SYT5: variants seen among roughly 807,000 people sequenced by gnomAD.
SYT5 encodes the protein synaptotagmin-5.
In SYT5, 29 loss-of-function variants were observed where a neutral mutation model predicts 36.0. The ratio of observed to expected loss-of-function variants is 0.81; its 90% confidence interval spans 0.60 to 1.10. The LOEUF (loss-of-function observed/expected upper bound fraction) is 1.10. Among genes scored for constraint, SYT5 ranks in the 50% least tolerant of loss-of-function variants. SYT5 has a pLI of 0.00. For synonymous variants in SYT5, 231 were observed against 227.6 expected, an observed-to-expected ratio of 1.02 and a Z score of -0.14; for missense variants, 512 against 516.0, an observed-to-expected ratio of 0.99 and a Z score of 0.08.
intron 2 of SYT5, among the ~76,000 whole-genome samples, 179 bp downstream of exon 2, chr19:55,178,784 T>G (rs2086107999): frequency 1.9e-5 from 2 of 103,792 alleles, no homozygotes; most frequent in East Asian, 3.4e-4. Context: ...TTTTTTTTTT[T>G]GCAAATCTGT....
Position 55,175,590 on chromosome 19 carries a change from AG to A in SYT5, c.540+118del, listed in dbSNP as rs923414901. 2.2e-6 allele frequency: 3 copies of A among 1,368,844 alleles called. No homozygotes were observed. Among genetic ancestry groups the A allele is most frequent in the Non-Finnish European group, 3.0e-6 (3 of 989,894 alleles). The allele number at this position is 1,368,844 out of a possible 1,614,324, so 84.8% of individuals were successfully genotyped here. On this transcript the variant is annotated intron_variant, in intron 5 of 8. Transcript: ENST00000354308. The surrounding 1 kb of genome is among the most constrained non-coding windows in gnomAD (Gnocchi z 4.5). The stretch of plus-strand genomic sequence containing the variant: ...CCAGGGTCCAGTGGAATAGCCCCAG[AG>A]CTGGTAGCTGCCACCTGAGCTGTGG...
rs747366969 is a variant in SYT5 at position 55,178,282 on chromosome 19, G to A, written c.166C>T (p.Arg56Trp). The A allele has an allele frequency of 6.2e-6, 10 of 1,611,350 alleles. No individual in the cohort carries two copies. Among genetic ancestry groups the A allele is most frequent in the African/African-American group, 1.3e-5 (1 of 74,904 alleles). ...TGGCTCTTCTTGCCTGTCCGCCTCC[G>A]ACAGCTCTTCCGGTAGAGACAGAAA... Reference protein sequence around the residue: ...CCFCLYRKSCRRRTGKKSQAQ... With the variant: ...CCFCLYRKSCWRRTGKKSQAQ... Residue 56 changes from arginine to tryptophan, a missense_variant, in exon 3 of 9, where the codon CGG (arginine) becomes TGG (tryptophan). Coordinates refer to ENST00000354308, the MANE Select transcript of SYT5 (RefSeq NM_003180.3).
Position 55,175,182 on chromosome 19 carries a change from G to T in SYT5, c.698C>A (p.Pro233Gln). ...VQAWRELQAA[P>Q]REEQEKLGDI... ...ACCGCGCATGCTCACCTCCTCCCGC[G>T]GAGCCGCCTGCAGCTCCCGCCAGGC... Residue 233 changes from proline (P) to glutamine (Q), a missense_variant, in exon 6 of 9, where the codon CCG becomes CAG. Coordinates refer to ENST00000354308, the MANE Select transcript of SYT5 (RefSeq NM_003180.3). The surrounding 1 kb of genome is among the most constrained non-coding windows in gnomAD (Gnocchi z 4.5). The T allele has an allele frequency of 1.9e-6, 3 of 1,601,224 alleles. No homozygotes were observed. Among genetic ancestry groups the T allele is most frequent in the Non-Finnish European group, 2.6e-6 (3 of 1,175,348 alleles).
chr19:55,172,422 A>AAAAAAC lies in SYT5; in HGVS notation c.*1056_*1061dup, dbSNP rs551538555. ...GGCGACAAAGTGAGACTTCATCTCA[A>AAAAAAC]AAAAACAAAAACAAAAACAAAAAAA... On this transcript the variant is annotated 3_prime_UTR_variant, in exon 9 of 9. Coordinates refer to ENST00000354308, the MANE Select transcript of SYT5 (RefSeq NM_003180.3). The AAAAAAC allele has an allele frequency of 1.2e-4, 18 of 151,772 alleles. No individual in the cohort carries two copies. Among genetic ancestry groups the AAAAAAC allele is most frequent in the Non-Finnish European group, 1.5e-5 (1 of 68,030 alleles). 9.4% of individuals were successfully genotyped at this position (151,772 alleles called of 1,614,324 possible).
Position 55,171,554 on chromosome 19 carries a change from C to T in SYT5, c.*1930G>A, listed in dbSNP as rs922267908. On this transcript the variant is annotated 3_prime_UTR_variant, in exon 9 of 9. Coordinates refer to ENST00000354308, the MANE Select transcript of SYT5 (RefSeq NM_003180.3). ...CTTAATCTGCTGCTCAGAGAGTTCT[C>T]TGGCCAAATCTTATAGGTCTTTGTT... The T allele has an allele frequency of 2.0e-5, 3 of 152,090 alleles. No homozygotes were observed. The highest frequency in any genetic ancestry group is 7.2e-5 in the African/African-American group (3 of 41,420). The allele number at this position is 152,090 out of a possible 1,614,324, so 9.4% of individuals were successfully genotyped here.
intron 3 of SYT5, 59 bp from the exon 4 acceptor site, chr19:55,176,183 G>T: frequency 6.2e-7 from 1 of 1,609,320 alleles, no homozygotes; most frequent in Non-Finnish European, 8.5e-7. Context: ...TATCCATCAG[G>T]CTCAGAAGCC....
rs538710789 is a variant in SYT5, at chr19:55,171,777, C to T, written c.*1707G>A. 34 of 152,156 alleles carry T rather than the reference C, an allele frequency of 2.2e-4. No individual in the cohort carries two copies. The highest frequency in any genetic ancestry group is 8.2e-4 in the African/African-American group (34 of 41,488). The allele number at this position is 152,156 out of a possible 1,614,324, so 9.4% of individuals were successfully genotyped here. On this transcript the variant is annotated 3_prime_UTR_variant, in exon 9 of 9. Coordinates refer to ENST00000354308, the MANE Select transcript of SYT5 (RefSeq NM_003180.3). ...CAGCCTGTGCAACATAGCAAGACCC[C>T]ATCTCTAAAAAAGAAAAGAAAAGAA...
rs183187918 is a variant in SYT5 at position 55,175,510 on chromosome 19, G to A, written c.541-171C>T. Reference sequence around the variant, plus strand: ...ATGCGGAAAAAAATCACGGGTCAGTGGAACCCAAATCGTACCGCCCAAGGA... The same window carrying A: ...ATGCGGAAAAAAATCACGGGTCAGTAGAACCCAAATCGTACCGCCCAAGGA... On this transcript the variant is annotated intron_variant, in intron 5 of 8. Coordinates refer to ENST00000354308, the MANE Select transcript of SYT5 (RefSeq NM_003180.3). The surrounding 1 kb of genome is among the most constrained non-coding windows in gnomAD (Gnocchi z 4.5). 6.6e-6 allele frequency among the ~76,000 whole-genome samples: 1 copy of A among 152,234 alleles called. No individual in the cohort carries two copies. The highest frequency in any genetic ancestry group is 6.5e-5 in the Admixed American group (1 of 15,284).
In SYT5 at chr19:55,175,381, G is replaced by A; in HGVS notation, c.541-42C>T. The A allele has an allele frequency of 2.0e-6, 3 of 1,493,874 alleles. No homozygotes were observed. The highest frequency in any genetic ancestry group is 2.7e-6 in the Non-Finnish European group (3 of 1,127,570). The allele number at this position is 1,493,874 out of a possible 1,614,324, so 92.5% of individuals were successfully genotyped here. ...ATCCGCAGTAGAGAGCAGGAAGTCA[G>A]AGATAGGGTGAGGCACAGCACAACC... On this transcript the variant is annotated intron_variant, in intron 5 of 8. Transcript: ENST00000354308. This position sits in a 1 kb window ranked among gnomAD's most constrained non-coding sequence, Gnocchi z 4.5.
In SYT5 at chr19:55,175,844, C is replaced by CA. The variant is rs1297631841; in HGVS notation, c.404dup (p.Leu135PhefsTer71). 9.3e-6 allele frequency: 15 copies of CA among 1,614,092 alleles called. No homozygotes were observed. The highest frequency in any genetic ancestry group is 1.3e-5 in the Non-Finnish European group (15 of 1,180,046). On this transcript the variant is annotated frameshift_variant, in exon 5 of 9. Coordinates refer to ENST00000354308, the MANE Select transcript of SYT5 (RefSeq NM_003180.3). LOFTEE classifies it high-confidence loss of function. The surrounding 1 kb of genome is among the most constrained non-coding windows in gnomAD (Gnocchi z 4.5). Reference sequence around the variant, plus strand: ...AGGAGCCACCAAGATCCAAGGCTGCCAATCCCATTGCTTGCAGAATGCCCA... The same window carrying CA: ...AGGAGCCACCAAGATCCAAGGCTGCCAAATCCCATTGCTTGCAGAATGCCCA...
Position 55,175,568 on chromosome 19 carries a change from G to GA in SYT5, c.540+140_540+141insT. The GA allele has an allele frequency of 8.2e-7, 1 of 1,223,460 alleles. No homozygotes were observed. Among genetic ancestry groups the GA allele is most frequent in the Non-Finnish European group, 1.1e-6 (1 of 872,826 alleles). The allele number at this position is 1,223,460 out of a possible 1,614,324, so 75.8% of individuals were successfully genotyped here. On this transcript the variant is annotated intron_variant, in intron 5 of 8. Transcript: ENST00000354308. This position sits in a 1 kb window ranked among gnomAD's most constrained non-coding sequence, Gnocchi z 4.5. ...ACAGCCCAGGAGTCAGTAGTGCCCA[G>GA]GGTCCAGTGGAATAGCCCCAGAGCT...
rs2086018745 is a variant in SYT5, at chr19:55,172,740, G to A, written c.*744C>T. On this transcript the variant is annotated 3_prime_UTR_variant, in exon 9 of 9. Transcript: ENST00000354308. ...TATGGAATGGAAGGAAGAAAAAAAAGAGAGGGAGGGAGGGATGCAGAAATG... is the reference window on the plus strand; with the variant it reads ...TATGGAATGGAAGGAAGAAAAAAAAAAGAGGGAGGGAGGGATGCAGAAATG... 1 of 152,212 alleles carries A rather than the reference G, an allele frequency of 6.6e-6. No individual in the cohort carries two copies. Among genetic ancestry groups the A allele is most frequent in the Admixed American group, 6.5e-5 (1 of 15,274 alleles). 9.4% of individuals were successfully genotyped at this position (152,212 alleles called of 1,614,324 possible).
Position 55,179,279 on chromosome 19 carries a change from A to G in SYT5, c.-45-193T>C. On this transcript the variant is annotated intron_variant, in intron 1 of 8. Coordinates refer to ENST00000354308, the MANE Select transcript of SYT5 (RefSeq NM_003180.3). This position sits in a 1 kb window ranked among gnomAD's most constrained non-coding sequence, Gnocchi z 4.5. ...GGACCTAGTTCCATCCTAAAGGGATACCCTCTTCCTCCACGGCCCCACAGG... is the reference window on the plus strand; with the variant it reads ...GGACCTAGTTCCATCCTAAAGGGATGCCCTCTTCCTCCACGGCCCCACAGG... 7.3e-7 allele frequency: 1 copy of G among 1,374,648 alleles called. No homozygotes were observed. The highest frequency in any genetic ancestry group is 9.4e-7 in the Non-Finnish European group (1 of 1,062,948). 85.2% of individuals were successfully genotyped at this position (1,374,648 alleles called of 1,614,324 possible).
chr19:55,178,498 G>C (rs1019059534), intron 2 of SYT5, 130 bp from the exon 3 acceptor site: 1 of 1,144,422 alleles, frequency 8.7e-7, no homozygotes. Context: ...ATTTCTTCCT[G>C]TGTTTTTCTT....
Position 55,175,382 on chromosome 19 carries a change from A to C in SYT5, c.541-43T>G, listed in dbSNP as rs1406375123. On this transcript the variant is annotated intron_variant, in intron 5 of 8. Transcript: ENST00000354308. This position sits in a 1 kb window ranked among gnomAD's most constrained non-coding sequence, Gnocchi z 4.5. ...TCCGCAGTAGAGAGCAGGAAGTCAG[A>C]GATAGGGTGAGGCACAGCACAACCA... is the stretch of plus-strand genomic sequence containing the variant. 2.0e-6 allele frequency: 3 copies of C among 1,493,770 alleles called. No individual in the cohort carries two copies. Among genetic ancestry groups the C allele is most frequent in the East Asian group, 4.6e-5 (2 of 43,410 alleles). 92.5% of individuals were successfully genotyped at this position (1,493,770 alleles called of 1,614,324 possible).
In SYT5 at chr19:55,176,293, G is replaced by A. The variant is rs565849516; in HGVS notation, c.253-169C>T. On this transcript the variant is annotated intron_variant, in intron 3 of 8. Transcript: ENST00000354308. ...TGTCTGCCACAGGCAGGAAATAGAC[G>A]TGGTAACACAGATGCAGTATGTTTG... 1.6e-4 allele frequency: 135 copies of A among 845,188 alleles called. 2 individuals are homozygous for A. In the South Asian group the frequency reaches 2.1e-3, roughly 13 times the overall value. The allele number at this position is 845,188 out of a possible 1,614,324, so 52.4% of individuals were successfully genotyped here.
chr19:55,176,740 T>C (rs2086080657), intron 3 of SYT5, among the ~76,000 whole-genome samples: 1 of 151,664 alleles, frequency 6.6e-6, no homozygotes, highest in African/African-American at 2.4e-5. Context: ...GTGATTCTGC[T>C]GCAGACGGTC....
Position 55,178,288 on chromosome 19 carries a change from T to A in SYT5, c.160A>T (p.Ser54Cys). The A allele has an allele frequency of 1.9e-6, 3 of 1,611,956 alleles. No homozygotes were observed. Among genetic ancestry groups the A allele is most frequent in the Non-Finnish European group, 2.5e-6 (3 of 1,179,316 alleles). Residue 54 changes from serine to cysteine, a missense_variant, in exon 3 of 9, where the codon AGC becomes TGC. Ser to Cys is a moderately radical substitution (Grantham distance 112). Transcript: ENST00000354308. ...FSCCFCLYRK[S>C]CRRRTGKKSQ... ...TTCTTGCCTGTCCGCCTCCGACAGCTCTTCCGGTAGAGACAGAAACAGCAG... is the reference window on the plus strand; with the variant it reads ...TTCTTGCCTGTCCGCCTCCGACAGCACTTCCGGTAGAGACAGAAACAGCAG...
In SYT5 at chr19:55,175,196, C is replaced by A; in HGVS notation, c.684G>T (p.Glu228Asp). Residue 228 changes from glutamate to aspartate, a missense_variant, in exon 6 of 9, where the codon GAG (glutamate) becomes GAT (aspartate). Glu to Asp is a conservative substitution (Grantham distance 45, BLOSUM62 2). Coordinates refer to ENST00000354308, the MANE Select transcript of SYT5 (RefSeq NM_003180.3). The surrounding 1 kb of genome is among the most constrained non-coding windows in gnomAD (Gnocchi z 4.5). ...CCTCCTCCCGCGGAGCCGCCTGCAGCTCCCGCCAGGCCTGCACTGGCCGCC... is the reference window on the plus strand; with the variant it reads ...CCTCCTCCCGCGGAGCCGCCTGCAGATCCCGCCAGGCCTGCACTGGCCGCC... The part of the protein sequence containing the change: ...DLGRPVQAWR[E>D]LQAAPREEQE... 1 of 1,607,126 alleles carries A rather than the reference C, an allele frequency of 6.2e-7. No homozygotes were observed. The highest frequency in any genetic ancestry group is 8.5e-7 in the Non-Finnish European group (1 of 1,177,394).
Sources: allele counts gnomAD v4.1 joint callset (sites outside exome capture counted in the v4.1 genomes callset), GRCh38; gene constraint gnomAD v4.1.1; non-coding constraint Gnocchi (gnomAD v3.1); transcripts MANE v1.5; gene names NCBI Gene and HGNC (gene_info 2026-07-23, HGNC 2026-07-21).